The following PTGFR variants were observed in gnomAD, a reference collection of about 807,000 sequenced individuals.
PTGFR encodes the protein prostaglandin F2-alpha receptor.
PTGFR carries 15 observed loss-of-function variants against 26.2 expected under a neutral mutation model. The ratio of observed to expected loss-of-function variants is 0.57; its 90% confidence interval spans 0.38 to 0.88. The LOEUF is 0.88. Among genes scored for constraint, PTGFR ranks in the 40% least tolerant of loss-of-function variants. The probability of loss-of-function intolerance (pLI) is 0.00; values close to 1 mark genes in which losing one functional copy is unlikely to be tolerated. For missense variants in PTGFR, 369 were observed against 427.2 expected, an observed-to-expected ratio of 0.86 and a Z score of 1.20; for synonymous variants, 165 against 151.1, an observed-to-expected ratio of 1.09 and a Z score of -0.68.
At chr1:78,523,301 A>G (rs1246307110) in intron 2 of PTGFR, among the ~76,000 whole-genome samples, 2 of 152,160 alleles carry the variant, frequency 1.3e-5, no homozygotes, top group African/African-American at 2.4e-5. Context: ...ATTGTCCTAC[A>G]GAAAGATTGA....
chr1:78,517,114 T>A lies in PTGFR; in HGVS notation c.799-19292T>A, dbSNP rs138523804. Among the ~76,000 whole-genome samples the A allele has an allele frequency of 7.6e-3, 1,156 of 152,228 alleles. 10 individuals carry two copies. Among genetic ancestry groups the A allele is most frequent in the African/African-American group, 0.027 (1,108 of 41,530 alleles). On this transcript the variant is annotated intron_variant, in intron 2 of 2. Transcript: ENST00000370757. The stretch of plus-strand genomic sequence containing the variant: ...CAAAGATAGATGTCCTTAGTAAAAA[T>A]TCGCTATATGAAGGCACTTCAAATA...
At chr1:78,501,427 A>C (rs1649702371) in intron 2 of PTGFR, among the ~76,000 whole-genome samples, 1 of 152,194 alleles carries the variant, frequency 6.6e-6, no homozygotes, top group Non-Finnish European at 1.5e-5. Flanking sequence ...GATACTTGTA[A>C]ATATACCTTT....
intron 2 of PTGFR, among the ~76,000 whole-genome samples, chr1:78,521,446 G>C (rs1434284213): frequency 6.6e-6 from 1 of 151,996 alleles, no homozygotes; most frequent in Non-Finnish European, 1.5e-5. Flanking sequence ...ACCATTGATA[G>C]GACATGTACT....
intron 2 of PTGFR, among the ~76,000 whole-genome samples, chr1:78,507,458 GT>G (rs1247411977): frequency 2.6e-5 from 4 of 151,978 alleles, no homozygotes; most frequent in African/African-American, 9.7e-5. Flanking sequence ...GATTTGAATT[GT>G]TATTTTTTAG....
At chr1:78,527,520 T>A (rs1464070689) in intron 2 of PTGFR, among the ~76,000 whole-genome samples, 1 of 152,068 alleles carries the variant, frequency 6.6e-6, no homozygotes, top group Admixed American at 6.6e-5. Flanking sequence ...GCCAAAGAGA[T>A]ACATTGGTGA....
At position 78,497,420 on chromosome 1, in the gene PTGFR, C is replaced by A. The variant is rs555284229; in HGVS notation, c.798+3879C>A. 1.4e-4 allele frequency among the ~76,000 whole-genome samples: 21 copies of A among 152,234 alleles called. No individual in the cohort carries two copies. In the South Asian group the frequency reaches 4.1e-3, roughly 30 times the overall value. ...TCTCGCGTTCTTCCTAGATGAATCA[C>A]TTTTCCTTAACACATAAATATTGAA... is the stretch of plus-strand genomic sequence containing the variant. On this transcript the variant is annotated intron_variant, in intron 2 of 2. Transcript: ENST00000370757.
chr1:78,534,292 C>T (rs1650592775), intron 2 of PTGFR, among the ~76,000 whole-genome samples: 1 of 152,078 alleles, frequency 6.6e-6, no homozygotes, highest in Non-Finnish European at 1.5e-5. Flanking sequence ...AGACTGTTGC[C>T]AGAGACCAGA....
chr1:78,535,561 C>T (rs1416866480), intron 2 of PTGFR, among the ~76,000 whole-genome samples: 1 of 152,030 alleles, frequency 6.6e-6, no homozygotes, highest in Non-Finnish European at 1.5e-5. Context: ...TTTTGTTTAC[C>T]TATTTCTTAT....
At chr1:78,498,809 G>T (rs561551900) in intron 2 of PTGFR, among the ~76,000 whole-genome samples, 1 of 152,128 alleles carries the variant, frequency 6.6e-6, no homozygotes, top group African/African-American at 2.4e-5. Context: ...GCTGATTTCA[G>T]AGGCAATATT....
At chr1:78,508,691 T>C (rs1649884073) in intron 2 of PTGFR, among the ~76,000 whole-genome samples, 1 of 152,220 alleles carries the variant, frequency 6.6e-6, no homozygotes, top group Non-Finnish European at 1.5e-5. Flanking sequence ...GTTGTTCCAA[T>C]GGGAATTTGG....
At chr1:78,532,982 A>AC (rs1650559692) in intron 2 of PTGFR, among the ~76,000 whole-genome samples, 5 of 152,312 alleles carry the variant, frequency 3.3e-5, no homozygotes, top group African/African-American at 9.6e-5. Flanking sequence ...AGGCACAGAT[A>AC]GTAGTTTGTC....
intron 2 of PTGFR, among the ~76,000 whole-genome samples, chr1:78,528,112 AG>A (rs1339112395): frequency 6.6e-6 from 1 of 151,996 alleles, no homozygotes. Flanking sequence ...TGTATTCAAA[AG>A]GCTGAAAATT....
intron 2 of PTGFR, among the ~76,000 whole-genome samples, chr1:78,496,529 C>T (rs1360101390): frequency 2.0e-5 from 3 of 152,054 alleles, no homozygotes; most frequent in African/African-American, 7.3e-5. Flanking sequence ...GGCCAGTGTT[C>T]ACAGTCATTT....
chr1:78,532,598 C>T (rs1401840419), intron 2 of PTGFR, among the ~76,000 whole-genome samples: 1 of 150,902 alleles, frequency 6.6e-6, no homozygotes, highest in Non-Finnish European at 1.5e-5. Flanking sequence ...AGAGTCTCAA[C>T]TCTGTTACCC....
chr1:78,510,874 A>G (rs1649950304), intron 2 of PTGFR, among the ~76,000 whole-genome samples: 2 of 152,208 alleles, frequency 1.3e-5, no homozygotes, highest in African/African-American at 2.4e-5. Flanking sequence ...AAAGGGGGAA[A>G]TAGGCTAAAA....
Position 78,532,364 on chromosome 1 carries a change from TTATATATATATATATATATATA to T in PTGFR, c.799-4030_799-4009del, listed in dbSNP as rs200848855. 1.9e-3 allele frequency: 166 copies of T among 85,234 alleles called. 24 individuals carry two copies. The highest frequency in any genetic ancestry group is 4.8e-3 in the Middle Eastern group (1 of 210). The allele number at this position is 85,234 out of a possible 1,614,324, so 5.3% of individuals were successfully genotyped here. A position where few individuals can be genotyped will look rare whatever the true frequency, so the allele number is the denominator to read the frequency against. ...AGTTTATGCCGTCAAGTAAATTCAT[TTATATATATATATATATATATA>T]TATATATATATGTATATATGTGTAT... On this transcript the variant is annotated intron_variant, in intron 2 of 2. Coordinates refer to ENST00000370757, the MANE Select transcript of PTGFR (RefSeq NM_000959.4).
chr1:78,508,367 G>A (rs1047778565), intron 2 of PTGFR, among the ~76,000 whole-genome samples: 1 of 152,044 alleles, frequency 6.6e-6, no homozygotes, highest in African/African-American at 2.4e-5. Flanking sequence ...TATGTGGCTG[G>A]AAACTTCATG....
chr1:78,523,305 A>G (rs1208608740), intron 2 of PTGFR, among the ~76,000 whole-genome samples: 2 of 152,162 alleles, frequency 1.3e-5, no homozygotes, highest in African/African-American at 2.4e-5. Flanking sequence ...TCCTACAGAA[A>G]GATTGAATTA....
In PTGFR at chr1:78,493,383, G is replaced by A; in HGVS notation, c.640G>A (p.Gly214Ser). Residue 214 changes from glycine (G) to serine (S), a missense_variant, in exon 2 of 3, where the codon GGT becomes AGT. Gly to Ser is a moderately conservative substitution (Grantham distance 56). Coordinates refer to ENST00000370757, the MANE Select transcript of PTGFR (RefSeq NM_000959.4). ...LFSFLGLLAL[G>S]VSLLCNAITG... is the part of the protein sequence containing the mutation. ...TTCTTTTCTGGGGCTCTTAGCCCTT[G>A]GTGTTTCATTGTTGTGCAATGCAAT... The A allele has an allele frequency of 6.2e-7, 1 of 1,613,524 alleles. No homozygotes were observed. The highest frequency in any genetic ancestry group is 8.5e-7 in the Non-Finnish European group (1 of 1,179,874).
Sources: gnomAD v4.1 joint callset for allele counts (sites outside exome capture counted in the v4.1 genomes callset) on GRCh38, gnomAD v4.1.1 for gene constraint, MANE v1.5 for transcripts, NCBI Gene and HGNC (gene_info 2026-07-23, HGNC 2026-07-21) for gene names.